Variants in TSG101 observed in about 807,000 individuals in gnomAD.
TSG101 encodes tumor susceptibility gene 101 protein.
A neutral mutation model predicts 48.5 loss-of-function variants in TSG101; 19 were observed. The observed-to-expected ratio is 0.39, with a 90% CI of 0.27 to 0.58. The LOEUF is 0.58. TSG101 is among the 20% of genes least tolerant of loss of function. The pLI is 0.55. For synonymous variants in TSG101, 174 were observed against 169.4 expected, an observed-to-expected ratio of 1.03 and a Z score of -0.21; for missense variants, 365 against 484.4, an observed-to-expected ratio of 0.75 and a Z score of 2.31.
intron 4 of TSG101, among the ~76,000 whole-genome samples, chr11:18,513,952 G>A (rs578097164): frequency 3.9e-5 from 6 of 152,036 alleles, no homozygotes; most frequent in Admixed American, 6.6e-5. Flanking sequence ...GGTGGTGGGC[G>A]CCTGTAATCC....
At chr11:18,499,269 A>ATT (rs1849837467) in intron 7 of TSG101, among the ~76,000 whole-genome samples, 1 of 131,094 alleles carries the variant, frequency 7.6e-6, no homozygotes, top group Non-Finnish European at 1.6e-5. Context: ...TATATTTTAT[A>ATT]TATATTTATA....
intron 5 of TSG101, among the ~76,000 whole-genome samples, chr11:18,507,242 C>G (rs1036229662): frequency 2.0e-5 from 3 of 152,198 alleles, no homozygotes; most frequent in Non-Finnish European, 4.4e-5. Flanking sequence ...TTCTGGCCTT[C>G]TTCGGTCCAA....
intron 4 of TSG101, among the ~76,000 whole-genome samples, chr11:18,510,379 C>A (rs1205043469): frequency 6.6e-6 from 1 of 152,128 alleles, no homozygotes; most frequent in Non-Finnish European, 1.5e-5. Context: ...TGAGATCACA[C>A]CACTGCACTC....
intron 7 of TSG101, chr11:18,490,727 A>G (rs1849686629): frequency 2.2e-6 from 1 of 464,736 alleles, no homozygotes; most frequent in South Asian, 2.0e-5. Flanking sequence ...CTCTCTCCCC[A>G]TCTGCTGCTG....
At chr11:18,522,151 G>C (rs1374198519) in intron 1 of TSG101, among the ~76,000 whole-genome samples, 7 of 152,208 alleles carry the variant, frequency 4.6e-5, no homozygotes, top group African/African-American at 1.4e-4. Flanking sequence ...TCATTCCTTT[G>C]ATCTCCCTCA....
At position 18,480,375 on chromosome 11, in the gene TSG101, G is replaced by C. The variant is rs1849509499; in HGVS notation, c.*171C>G. 1 of 496,978 alleles carries C rather than the reference G, an allele frequency of 2.0e-6. No individual in the cohort carries two copies. Among genetic ancestry groups the C allele is most frequent in the African/African-American group, 1.9e-5 (1 of 51,574 alleles). 30.8% of individuals were successfully genotyped at this position (496,978 alleles called of 1,614,324 possible). Reference sequence around the variant, plus strand: ...ACAAAAAGTTTACAGAGGATAGAAAGTGCATTAATAAAAGCCAGTCTTTAC... The same window carrying C: ...ACAAAAAGTTTACAGAGGATAGAAACTGCATTAATAAAAGCCAGTCTTTAC... On this transcript the variant is annotated 3_prime_UTR_variant, in exon 10 of 10. Coordinates refer to ENST00000251968, the MANE Select transcript of TSG101 (RefSeq NM_006292.4).
At chr11:18,509,073 G>A (rs1850025745) in intron 5 of TSG101, among the ~76,000 whole-genome samples, 2 of 152,162 alleles carry the variant, frequency 1.3e-5, no homozygotes, top group South Asian at 2.1e-4. Context: ...TTGGCTGTAC[G>A]AAAGAGAAGA....
intron 7 of TSG101, among the ~76,000 whole-genome samples, chr11:18,498,437 TA>T (rs1458791416): frequency 1.3e-5 from 2 of 152,162 alleles, no homozygotes; most frequent in Non-Finnish European, 2.9e-5. Context: ...AGATGAGCCA[TA>T]ATGGTGACTT....
chr11:18,483,720 C>T, intron 8 of TSG101, 150 bp downstream of exon 8: 1 of 794,712 alleles, frequency 1.3e-6, no homozygotes, highest in Non-Finnish European at 2.0e-6. Context: ...CCACTGTAAA[C>T]AAAGGTATAA....
chr11:18,526,449 A>G (rs1356280268), intron 1 of TSG101, among the ~76,000 whole-genome samples: 1 of 152,246 alleles, frequency 6.6e-6, no homozygotes, highest in Non-Finnish European at 1.5e-5. Context: ...GTTTGTGTTT[A>G]TAAAAACAAA....
intron 1 of TSG101, among the ~76,000 whole-genome samples, chr11:18,525,483 T>C (rs976151690): frequency 2.7e-5 from 4 of 146,546 alleles, no homozygotes; most frequent in African/African-American, 1.0e-4. Context: ...GAGGCGGAGA[T>C]TGCAGTGAGC....
intron 7 of TSG101, among the ~76,000 whole-genome samples, chr11:18,499,304 A>G (rs1226147894): frequency 1.1e-5 from 1 of 87,060 alleles, no homozygotes; most frequent in Non-Finnish European, 2.4e-5. Context: ...TTATATTTAT[A>G]TATTTATTTA....
At chr11:18,514,258 A>G (rs1175979398) in intron 4 of TSG101, among the ~76,000 whole-genome samples, 1 of 152,136 alleles carries the variant, frequency 6.6e-6, no homozygotes, top group East Asian at 1.9e-4. Context: ...TTGCTTTTCT[A>G]GTTATTTTTC....
At chr11:18,519,382 C>A in intron 2 of TSG101, 137 bp downstream of exon 2, 1 of 675,078 alleles carries the variant, frequency 1.5e-6, no homozygotes, top group East Asian at 2.8e-5. Context: ...ATTTGCTACC[C>A]TCCAACAGTT....
intron 8 of TSG101, among the ~76,000 whole-genome samples, chr11:18,483,535 T>C (rs541340890): frequency 1.9e-4 from 28 of 150,324 alleles, no homozygotes; most frequent in Middle Eastern, 3.3e-3. Context: ...CCTCCCACCA[T>C]GATTCTGAGG....
At chr11:18,512,564 TTC>T (rs1432190675) in intron 4 of TSG101, among the ~76,000 whole-genome samples, 1 of 152,122 alleles carries the variant, frequency 6.6e-6, no homozygotes, top group Admixed American at 6.6e-5. Context: ...TTCCTCTTGG[TTC>T]TCTTTCTTGG....
chr11:18,523,764 A>C (rs1242419799), intron 1 of TSG101, among the ~76,000 whole-genome samples: 1 of 152,172 alleles, frequency 6.6e-6, no homozygotes, highest in East Asian at 1.9e-4. Context: ...AGCCTCCCAA[A>C]GTGCTGAGAT....
intron 1 of TSG101, among the ~76,000 whole-genome samples, chr11:18,524,211 AAAG>A (rs1209279089): frequency 5.2e-5 from 8 of 152,392 alleles, no homozygotes; most frequent in South Asian, 2.1e-4. Flanking sequence ...TGTTTCTGTA[AAAG>A]AAGAAGGACT....
chr11:18,519,589 G>A lies in TSG101; in HGVS notation c.57C>T (p.Asp19=). The stretch of plus-strand genomic sequence containing the variant: ...CATTGACAGTTTCACGTACAGTTAG[G>A]TCTCTGTATTTGTACTGAAAAGCAA... ...KKMVSKYKYR[D]LTVRETVNVI... is the part of the protein sequence containing the mutation. The change falls in exon 2 of 10, where the codon GAC becomes GAT. Residue 19 remains aspartate (D), a synonymous_variant. Transcript: ENST00000251968. 6.2e-7 allele frequency: 1 copy of A among 1,611,952 alleles called. No individual in the cohort carries two copies.
Sources: allele counts gnomAD v4.1 joint callset (sites outside exome capture counted in the v4.1 genomes callset), GRCh38; gene constraint gnomAD v4.1.1; transcripts MANE v1.5; gene names NCBI Gene and HGNC (gene_info 2026-07-23, HGNC 2026-07-21).